Variants in ZBTB20 observed in about 807,000 individuals in gnomAD.
The protein encoded by ZBTB20 is zinc finger and BTB domain containing 20, also known as zinc finger and BTB domain-containing protein 20.
ZBTB20 carries 9 observed loss-of-function variants against 56.9 expected under a neutral mutation model. The ratio of observed to expected loss-of-function variants is 0.16; its 90% CI spans 0.10 to 0.28. ZBTB20 has a LOEUF of 0.28. Ranked by LOEUF, ZBTB20 falls within the 10% of genes least tolerant of loss-of-function variation. The pLI is 1.00. For missense variants in ZBTB20, 655 were observed against 1,003.0 expected, an observed-to-expected ratio of 0.65 and a Z score of 4.69; for synonymous variants, 417 against 420.7, an observed-to-expected ratio of 0.99 and a Z score of 0.11.
intron 4 of ZBTB20, among the ~76,000 whole-genome samples, chr3:114,868,217 C>T (rs540644750): frequency 2.0e-5 from 3 of 152,288 alleles, no homozygotes; most frequent in African/African-American, 7.2e-5. Context: ...AGGAAAAGTG[C>T]TTATCATTGC....
chr3:114,381,963 T>C (rs2084408648), intron 8 of ZBTB20, among the ~76,000 whole-genome samples: 1 of 152,202 alleles, frequency 6.6e-6, no homozygotes, highest in African/African-American at 2.4e-5. Flanking sequence ...CCCCAAATCT[T>C]GAGTGTCTAC....
chr3:115,037,516 C>T (rs1042036324), intron 2 of ZBTB20, among the ~76,000 whole-genome samples: 2 of 152,096 alleles, frequency 1.3e-5, no homozygotes, highest in Non-Finnish European at 2.9e-5. Context: ...AACTCCTGAC[C>T]TCAAATGATC....
intron 5 of ZBTB20, among the ~76,000 whole-genome samples, chr3:114,760,889 G>T (rs971567015): frequency 6.6e-6 from 1 of 152,076 alleles, no homozygotes; most frequent in African/African-American, 2.4e-5. Flanking sequence ...TTAAAGGAAG[G>T]GGAAAAATCT....
rs139062240 is a variant in ZBTB20 at position 114,914,463 on chromosome 3, T to C, written c.-455-14121A>G. On this transcript the variant is annotated intron_variant, in intron 3 of 11. Transcript: ENST00000675478. ...TACTGAATTTATTGATCAGTTCTAA[T>C]AGTTTTCTGGTGAAGTCTTCAAATA... is the stretch of plus-strand genomic sequence containing the variant. 1.8e-4 allele frequency among the ~76,000 whole-genome samples: 28 copies of C among 152,150 alleles called. No homozygotes were observed. The East Asian group carries it at 3.7e-3, about 20-fold the overall frequency.
chr3:114,975,792 A>ATATT (rs1408692257), intron 2 of ZBTB20, among the ~76,000 whole-genome samples: 2 of 152,230 alleles, frequency 1.3e-5, no homozygotes, highest in African/African-American at 4.8e-5. Context: ...TTAATTTGGT[A>ATATT]ACTACATGAT....
At chr3:114,396,711 T>C (rs1054519859) in intron 7 of ZBTB20, among the ~76,000 whole-genome samples, 2 of 152,164 alleles carry the variant, frequency 1.3e-5, no homozygotes, top group African/African-American at 2.4e-5. Flanking sequence ...ATCCCCACCA[T>C]TGGCTTAGGC....
Position 114,350,600 on chromosome 3 carries a change from A to G in ZBTB20, c.1478T>C (p.Leu493Ser). 6.2e-7 allele frequency: 1 copy of G among 1,614,148 alleles called. No homozygotes were observed. Among genetic ancestry groups the G allele is most frequent in the Non-Finnish European group, 8.5e-7 (1 of 1,180,020 alleles). Residue 493 changes from leucine (L) to serine (S), a missense_variant, in exon 11 of 12, where the codon TTG (leucine) becomes TCG (serine). Physicochemically the swap from Leu to Ser is moderately radical, Grantham distance 145. Around this residue, in one of 10 missense-constraint regions of ZBTB20, gnomAD observed 11 missense variants for 35.8 expected, o/e 0.31. Coordinates refer to ENST00000675478, the MANE Select transcript of ZBTB20 (RefSeq NM_001348800.3). ...GCCAATGACCTGCGTGTTGCTGGTC[A>G]AGGTCAGAGGCATCCTCAGGTTGCT... ...LTSNLRMPLT[L>S]TSNTQVIGTA... is the part of the protein sequence containing the mutation.
intron 1 of ZBTB20, among the ~76,000 whole-genome samples, chr3:115,142,363 T>TA (rs1243538380): frequency 6.6e-6 from 1 of 152,138 alleles, no homozygotes; most frequent in African/African-American, 2.4e-5. Context: ...TTTTGCTCTT[T>TA]AAAAAAAATT....
intron 2 of ZBTB20, among the ~76,000 whole-genome samples, chr3:115,025,774 T>C (rs906830556): frequency 5.3e-5 from 8 of 150,408 alleles, no homozygotes; most frequent in Non-Finnish European, 1.0e-4. Context: ...TGCATAAATA[T>C]TTCTCAATTT....
At position 115,071,340 on chromosome 3, in the gene ZBTB20, T is replaced by C. The variant is rs986407858; in HGVS notation, c.-628A>G. The C allele has an allele frequency of 2.0e-5, 3 of 152,182 alleles. No individual in the cohort carries two copies. The highest frequency in any genetic ancestry group is 4.4e-5 in the Non-Finnish European group (3 of 68,042). The allele number at this position is 152,182 out of a possible 1,614,324, so 9.4% of individuals were successfully genotyped here. ...AGCTAAAGTGCCCAGAATGAACTAA[T>C]GTTGTAATGTAGACTGTGAGCAGAG... On this transcript the variant is annotated 5_prime_UTR_variant, in exon 2 of 12. Coordinates refer to ENST00000675478, the MANE Select transcript of ZBTB20 (RefSeq NM_001348800.3).
Position 114,328,017 on chromosome 3 carries a change from G to A in ZBTB20, c.*10988C>T, listed in dbSNP as rs1304864135. ...AATCCACTGCAGGGAGATCTAGCAT[G>A]ACAACCAAATTATATGGGGCGTATT... is the stretch of plus-strand genomic sequence containing the variant. On this transcript the variant is annotated 3_prime_UTR_variant, in exon 12 of 12. Transcript: ENST00000675478. 6.6e-6 allele frequency: 1 copy of A among 152,192 alleles called. No individual in the cohort carries two copies. Among genetic ancestry groups the A allele is most frequent in the Admixed American group, 6.5e-5 (1 of 15,274 alleles). The allele number at this position is 152,192 out of a possible 1,614,324, so 9.4% of individuals were successfully genotyped here.
intron 11 of ZBTB20, among the ~76,000 whole-genome samples, chr3:114,349,946 C>T (rs932923247): frequency 3.9e-5 from 6 of 152,188 alleles, no homozygotes; most frequent in Non-Finnish European, 5.9e-5. Flanking sequence ...AGAGCTCAAG[C>T]TCTTCCTGAC....
chr3:114,399,806 T>C (rs1338078144), intron 7 of ZBTB20, among the ~76,000 whole-genome samples: 1 of 152,124 alleles, frequency 6.6e-6, no homozygotes, highest in Non-Finnish European at 1.5e-5. Flanking sequence ...GCCTGAGATC[T>C]CTGGATCTCT....
intron 4 of ZBTB20, among the ~76,000 whole-genome samples, chr3:114,809,207 G>A (rs1396240580): frequency 6.6e-6 from 1 of 151,812 alleles, no homozygotes; most frequent in Non-Finnish European, 1.5e-5. Context: ...CAAATGTGTA[G>A]ATTAATGTTA....
At chr3:114,740,065 T>G (rs2066464136) in intron 5 of ZBTB20, among the ~76,000 whole-genome samples, 1 of 152,240 alleles carries the variant, frequency 6.6e-6, no homozygotes, top group Non-Finnish European at 1.5e-5. Flanking sequence ...TGTGAGGTAC[T>G]GTTTCTGATC....
Position 114,576,374 on chromosome 3 carries a change from C to T in ZBTB20, c.-294-75983G>A, listed in dbSNP as rs564276861. Among the ~76,000 whole-genome samples, 15 of 150,900 alleles carry T rather than the reference C, an allele frequency of 9.9e-5. No individual in the cohort carries two copies. In the East Asian group the frequency reaches 1.2e-3, roughly 12 times the overall value. On this transcript the variant is annotated intron_variant, in intron 6 of 11. Coordinates refer to ENST00000675478, the MANE Select transcript of ZBTB20 (RefSeq NM_001348800.3). ...GAAATTAGCCAGGCGTGGTGGCGGGCGCCTGTAGTCCCAGCTACTCGGGAG... is the reference window on the plus strand; with the variant it reads ...GAAATTAGCCAGGCGTGGTGGCGGGTGCCTGTAGTCCCAGCTACTCGGGAG...
intron 2 of ZBTB20, among the ~76,000 whole-genome samples, chr3:115,013,970 T>C (rs1026799052): frequency 6.6e-6 from 1 of 151,528 alleles, no homozygotes; most frequent in Non-Finnish European, 1.5e-5. Context: ...ATTGAAGATA[T>C]ATCTGCACTC....
At chr3:114,644,213 A>T (rs2059713818) in intron 6 of ZBTB20, among the ~76,000 whole-genome samples, 1 of 152,204 alleles carries the variant, frequency 6.6e-6, no homozygotes, top group East Asian at 1.9e-4. Context: ...GCTCAATACC[A>T]TTGAAAGCAC....
intron 11 of ZBTB20, among the ~76,000 whole-genome samples, chr3:114,341,241 A>G (rs898910624): frequency 6.6e-6 from 1 of 150,434 alleles, no homozygotes; most frequent in Non-Finnish European, 1.5e-5. Context: ...ACTTCAGTCT[A>G]TGCATAGTGT....
Sources: allele counts gnomAD v4.1 joint callset (sites outside exome capture counted in the v4.1 genomes callset), GRCh38; gene constraint gnomAD v4.1.1; regional missense constraint gnomAD v4.1.1; transcripts MANE v1.5; gene names NCBI Gene and HGNC (gene_info 2026-07-23, HGNC 2026-07-21).